Variants in SLCO1A2 observed in about 807,000 individuals in gnomAD.
SLCO1A2 encodes OATP-1.
A neutral mutation model predicts 69.0 loss-of-function variants in SLCO1A2; 67 were observed. The observed-to-expected ratio is 0.97, with a 90% CI of 0.80 to 1.19. The LOEUF (loss-of-function observed/expected upper bound fraction) is 1.19. Ranked by LOEUF, SLCO1A2 falls within the 50% of genes most tolerant of loss-of-function variation. The pLI, the probability that SLCO1A2 is intolerant of heterozygous loss-of-function variation, is 0.00. For synonymous variants in SLCO1A2, 260 were observed against 265.9 expected, an observed-to-expected ratio of 0.98 and a Z score of 0.22; for missense variants, 787 against 793.7, an observed-to-expected ratio of 0.99 and a Z score of 0.10.
rs773270121 is a variant in SLCO1A2 at position 21,314,650 on chromosome 12, A to G, written c.234T>C (p.Tyr78=). The change falls in exon 4 of 15, where the codon TAT becomes TAC. Residue 78 remains tyrosine (Y), a synonymous_variant. Transcript: ENST00000683939. ...TAGGTCTATGCAGTTTGGTTCCAAA[A>G]TAACTCACAAATATAATCAACAAAA... ...GNLLLIIFVS[Y]FGTKLHRPIM... The G allele has an allele frequency of 6.2e-7, 1 of 1,608,896 alleles. No homozygotes were observed. Among genetic ancestry groups the G allele is most frequent in the Non-Finnish European group, 8.5e-7 (1 of 1,175,256 alleles).
At chr12:21,313,913 G>A (rs1303284405) in intron 4 of SLCO1A2, among the ~76,000 whole-genome samples, 1 of 149,862 alleles carries the variant, frequency 6.7e-6, no homozygotes, top group Non-Finnish European at 1.5e-5. Flanking sequence ...GCAGTGACCC[G>A]AGATCACACC....
chr12:21,296,730 T>C (rs1947769432), intron 9 of SLCO1A2, among the ~76,000 whole-genome samples: 1 of 152,222 alleles, frequency 6.6e-6, no homozygotes. Flanking sequence ...CGAATCATAT[T>C]ATTGAGAGAG....
At chr12:21,406,933 T>C (rs1187341077) in intron 1 of SLCO1A2, among the ~76,000 whole-genome samples, 2 of 152,226 alleles carry the variant, frequency 1.3e-5, no homozygotes, top group African/African-American at 4.8e-5. Context: ...GTAGTTTATA[T>C]ATCCCATCTT....
intron 2 of SLCO1A2, chr12:21,373,329 C>G (rs1341094694): frequency 1.3e-6 from 2 of 1,544,978 alleles, no homozygotes; most frequent in East Asian, 4.5e-5. Flanking sequence ...CTGGATTATT[C>G]TTTGCAGAAA....
intron 1 of SLCO1A2, among the ~76,000 whole-genome samples, chr12:21,414,280 T>TTC (rs34290743): frequency 7.7e-5 from 2 of 25,958 alleles, no homozygotes; most frequent in Admixed American, 3.4e-4. Context: ...GTCCAGCCTC[T>TTC]TTTTTTTTTT....
At chr12:21,358,133 A>G (rs1938520926) in intron 2 of SLCO1A2, among the ~76,000 whole-genome samples, 1 of 152,180 alleles carries the variant, frequency 6.6e-6, no homozygotes, top group African/African-American at 2.4e-5. Flanking sequence ...TAATAAACTT[A>G]AAAATGTCTG....
chr12:21,370,264 T>A (rs1939680297), intron 2 of SLCO1A2, among the ~76,000 whole-genome samples: 1 of 152,118 alleles, frequency 6.6e-6, no homozygotes, highest in African/African-American at 2.4e-5. Context: ...AAGTGGGATA[T>A]CGCATATCAA....
At chr12:21,334,771 G>C in intron 1 of SLCO1A2, 56 bp downstream of exon 1, 1 of 716,604 alleles carries the variant, frequency 1.4e-6, no homozygotes, top group Non-Finnish European at 2.3e-6. Flanking sequence ...TCATTCTTTT[G>C]AAGTAAGTGC....
intron 12 of SLCO1A2, among the ~76,000 whole-genome samples, chr12:21,278,700 AATACCTGG>A (rs1218844000): frequency 6.6e-6 from 1 of 152,180 alleles, no homozygotes; most frequent in African/African-American, 2.4e-5. Context: ...AGTCCTTTTG[AATACCTGG>A]AAAGCCTGCT....
chr12:21,355,726 T>C (rs910095918), intron 2 of SLCO1A2, among the ~76,000 whole-genome samples: 3 of 152,100 alleles, frequency 2.0e-5, no homozygotes, highest in African/African-American at 4.8e-5. Flanking sequence ...TAAACAAAAA[T>C]CAAACTACTG....
chr12:21,389,215 T>G (rs1434644873), intron 1 of SLCO1A2, among the ~76,000 whole-genome samples: 2 of 152,192 alleles, frequency 1.3e-5, no homozygotes, highest in Non-Finnish European at 2.9e-5. Flanking sequence ...TCAATTTACT[T>G]GTCAAAAATA....
Position 21,297,919 on chromosome 12 carries a change from T to G in SLCO1A2, c.911-351A>C, listed in dbSNP as rs138570190. On this transcript the variant is annotated intron_variant, in intron 8 of 14. Transcript: ENST00000683939. The stretch of plus-strand genomic sequence containing the variant: ...CTTTTGTTCTTCTATTAATATATTC[T>G]TTTTTCTACAGCTCATTAGAATGAA... Among the ~76,000 whole-genome samples, 8 of 152,308 alleles carry G rather than the reference T, an allele frequency of 5.3e-5. No homozygotes were observed. In the East Asian group the frequency reaches 1.5e-3, roughly 29 times the overall value.
intron 1 of SLCO1A2, among the ~76,000 whole-genome samples, chr12:21,413,264 AC>A (rs1941940792): frequency 1.1e-5 from 1 of 94,492 alleles, no homozygotes; most frequent in Non-Finnish European, 2.0e-5. Context: ...TTTGAGAAGG[AC>A]CCTCCCTCTA....
chr12:21,312,911 C>CA (rs1480949734), intron 4 of SLCO1A2, among the ~76,000 whole-genome samples: 10 of 151,340 alleles, frequency 6.6e-5, no homozygotes, highest in Non-Finnish European at 1.3e-4. Flanking sequence ...CTGTCTCTAC[C>CA]AAAAAAATAT....
chr12:21,317,831 T>C (rs920286043), intron 3 of SLCO1A2, among the ~76,000 whole-genome samples: 3 of 152,202 alleles, frequency 2.0e-5, no homozygotes, highest in African/African-American at 7.2e-5. Context: ...TATATTTCTA[T>C]ATAACTTTTT....
In SLCO1A2 at chr12:21,301,217, T is replaced by G. The variant is rs748481953; in HGVS notation, c.642A>C (p.Ala214=). 5.0e-6 allele frequency: 8 copies of G among 1,612,682 alleles called. No homozygotes were observed. The South Asian group carries it at 8.8e-5, about 18-fold the overall frequency. ...CAACATAAACATTTGCACAGAATGA[T>G]GCCAACAAAAGTCCAATCAAAGGAC... ...IIGPLIGLLL[A]SFCANVYVDT... is the part of the protein sequence containing the mutation. Residue 214 remains alanine (A), a synonymous_variant, in exon 7 of 15, where the codon GCA becomes GCC. Coordinates refer to ENST00000683939, the MANE Select transcript of SLCO1A2 (RefSeq NM_001386879.1).
chr12:21,367,065 A>G (rs1028608720), intron 2 of SLCO1A2, among the ~76,000 whole-genome samples: 9 of 152,154 alleles, frequency 5.9e-5, no homozygotes, highest in African/African-American at 2.2e-4. Context: ...GAATTTAAAT[A>G]TATCAGGAAT....
upstream of SLCO1A2, chr12:21,419,121 G>C (rs1416175836): frequency 6.6e-6 from 1 of 152,136 alleles, no homozygotes; most frequent in Admixed American, 6.6e-5. Flanking sequence ...AATAGGCACA[G>C]ACAAATAAAG....
At chr12:21,349,912 A>G (rs1937791165) in intron 2 of SLCO1A2, among the ~76,000 whole-genome samples, 1 of 152,134 alleles carries the variant, frequency 6.6e-6, no homozygotes, top group Non-Finnish European at 1.5e-5. Flanking sequence ...AAGTTGTTAG[A>G]CTTTAAGTTC....
Sources: gnomAD v4.1 joint callset for allele counts (sites outside exome capture counted in the v4.1 genomes callset) on GRCh38, gnomAD v4.1.1 for gene constraint, MANE v1.5 for transcripts, NCBI Gene and HGNC (gene_info 2026-07-23, HGNC 2026-07-21) for gene names.